Variants in DEPDC5 observed in about 807,000 individuals in gnomAD.
DEPDC5 encodes DEP domain containing 5, GATOR1 subcomplex subunit, also known as GATOR1 complex protein DEPDC5.
In DEPDC5, 73 loss-of-function variants were observed where a neutral mutation model predicts 217.3. The observed-to-expected ratio is 0.34, with a 90% CI of 0.28 to 0.41. DEPDC5 has a LOEUF of 0.41. Among genes scored for constraint, DEPDC5 ranks in the 10% least tolerant of loss-of-function variants. The pLI, the probability that DEPDC5 is intolerant of heterozygous loss-of-function variation, is 1.00. For missense variants in DEPDC5, 1,675 were observed against 2,070.1 expected (o/e 0.81, Z 3.70); for synonymous variants, 733 against 756.7 (o/e 0.97, Z 0.51).
chr22:31,810,424 G>C, intron 19 of DEPDC5, 97 bp from the exon 20 acceptor site: 1 of 1,564,828 alleles, frequency 6.4e-7, no homozygotes, highest in Non-Finnish European at 8.7e-7. Context: ...TGTTTGAAAT[G>C]TATTTGGATG....
At chr22:31,771,752 C>CAG (rs2083384948) in intron 7 of DEPDC5, among the ~76,000 whole-genome samples, 1 of 133,674 alleles carries the variant, frequency 7.5e-6, no homozygotes, top group Non-Finnish European at 1.7e-5. Context: ...CACACACACA[C>CAG]ACACACACAC....
At chr22:31,835,199 T>A (rs1338774796) in intron 25 of DEPDC5, among the ~76,000 whole-genome samples, 1 of 152,204 alleles carries the variant, frequency 6.6e-6, no homozygotes, top group Non-Finnish European at 1.5e-5. Context: ...GGTTAATGTC[T>A]TTGGATTACA....
At chr22:31,771,856 C>T (rs1187964910) in intron 7 of DEPDC5, among the ~76,000 whole-genome samples, 3 of 151,010 alleles carry the variant, frequency 2.0e-5, no homozygotes, top group Non-Finnish European at 2.9e-5. Context: ...TTTGCTTGAG[C>T]CTGGGAGTTC....
At chr22:31,839,659 G>C (rs1392100746) in intron 27 of DEPDC5, among the ~76,000 whole-genome samples, 3 of 148,444 alleles carry the variant, frequency 2.0e-5, no homozygotes, top group African/African-American at 7.3e-5. Flanking sequence ...TATGTGTGAA[G>C]CTTTGGACTC....
At chr22:31,833,449 A>G (rs2148920700) in intron 24 of DEPDC5, among the ~76,000 whole-genome samples, 1 of 152,266 alleles carries the variant, frequency 6.6e-6, no homozygotes, top group Non-Finnish European at 1.5e-5. Flanking sequence ...ATGGCTGATG[A>G]GTGGATTAAA....
In DEPDC5 at chr22:31,868,932, G is replaced by A. The variant is rs901239980; in HGVS notation, c.3331-1658G>A. Among the ~76,000 whole-genome samples the A allele has an allele frequency of 2.6e-5, 4 of 152,204 alleles. No homozygotes were observed. The East Asian group carries it at 7.7e-4, about 29-fold the overall frequency. On this transcript the variant is annotated intron_variant, in intron 33 of 42. Transcript: ENST00000651528. ...TGCTGCTGGGCTTCCGGGTGAACAG[G>A]TTATAATCCTGCCTCCAGGACCCTT...
chr22:31,792,829 T>A lies in DEPDC5; in HGVS notation c.767+12T>A. 6.6e-7 allele frequency: 1 copy of A among 1,512,960 alleles called. No individual in the cohort carries two copies. Among genetic ancestry groups the A allele is most frequent in the Non-Finnish European group, 8.8e-7 (1 of 1,140,702 alleles). 93.7% of individuals were successfully genotyped at this position (1,512,960 alleles called of 1,614,324 possible). On this transcript the variant is annotated intron_variant, in intron 12 of 42. Transcript: ENST00000651528. ...GAAGACTTTTACAAGTATGTTTGGG[T>A]GCTTTGCTATACTTTTTATTTATTT...
At chr22:31,770,915 C>G (rs1315138323) in intron 7 of DEPDC5, among the ~76,000 whole-genome samples, 1 of 151,278 alleles carries the variant, frequency 6.6e-6, no homozygotes, top group African/African-American at 2.4e-5. Flanking sequence ...CCTGGGCCTC[C>G]TGAACTACAG....
At chr22:31,822,812 A>G (rs758897790) in intron 24 of DEPDC5, 22 bp downstream of exon 24, 2 of 1,610,426 alleles carry the variant, frequency 1.2e-6, no homozygotes, top group Non-Finnish European at 1.7e-6. Context: ...AAGAGGTAAT[A>G]GAGTTGGGAT....
rs1568992744 is a variant in DEPDC5, at chr22:31,815,229, A to G, written c.1666+17A>G. ...GCACTCGAGGTAAGAGTGCTGAAGC[A>G]CAGACAGAGCCAGGGACATCTTTCT... is the stretch of plus-strand genomic sequence containing the variant. On this transcript the variant is annotated intron_variant, in intron 21 of 42. Transcript: ENST00000651528. 2 of 1,613,634 alleles carry G rather than the reference A, an allele frequency of 1.2e-6. No individual in the cohort carries two copies. Among genetic ancestry groups the G allele is most frequent in the Non-Finnish European group, 1.7e-6 (2 of 1,179,652 alleles).
intron 4 of DEPDC5, among the ~76,000 whole-genome samples, chr22:31,761,433 A>T (rs966121506): frequency 6.6e-6 from 1 of 151,506 alleles, no homozygotes; most frequent in African/African-American, 2.4e-5. Context: ...GTGGCCTCCA[A>T]CTCCATCCAT....
chr22:31,878,815 G>T (rs2093077956), intron 37 of DEPDC5, among the ~76,000 whole-genome samples: 1 of 151,870 alleles, frequency 6.6e-6, no homozygotes. Flanking sequence ...AAGGCAGGTG[G>T]ATCACCTGAA....
intron 7 of DEPDC5, among the ~76,000 whole-genome samples, chr22:31,777,247 A>G (rs1162775516): frequency 7.2e-6 from 1 of 139,604 alleles, no homozygotes. Context: ...GGCATGAACC[A>G]CTGCACCTGG....
intron 10 of DEPDC5, among the ~76,000 whole-genome samples, chr22:31,791,578 C>T (rs965156174): frequency 6.2e-5 from 9 of 144,102 alleles, no homozygotes; most frequent in South Asian, 2.2e-4. Context: ...TGCAATGAGC[C>T]GAGATTGTGC....
chr22:31,883,713 C>G (rs2093238161), intron 38 of DEPDC5, among the ~76,000 whole-genome samples: 1 of 152,232 alleles, frequency 6.6e-6, no homozygotes. Flanking sequence ...ATTCTCAGGA[C>G]TGCCTGGCCC....
At chr22:31,873,398 G>A in intron 35 of DEPDC5, 66 bp downstream of exon 35, 2 of 1,563,754 alleles carry the variant, frequency 1.3e-6, no homozygotes, top group Non-Finnish European at 1.7e-6. Flanking sequence ...CCATGTTTAG[G>A]CAGCGTGGTT....
In DEPDC5 at chr22:31,804,223, G is replaced by A. The variant is rs773152413; in HGVS notation, c.1143G>A (p.Lys381=). Residue 381 remains lysine, a splice_region_variant and synonymous_variant, in exon 16 of 43, where the codon AAG becomes AAA. Transcript: ENST00000651528. The part of the protein sequence containing the change: ...EQPLHAVPLF[K]LHNRSAPRDS... ...CGTTACATGCTGTCCCATTGTTCAA[G>A]GTAATTAGATTTCGGATTTGTTTAC... is the stretch of plus-strand genomic sequence containing the variant. The A allele has an allele frequency of 1.2e-6, 2 of 1,614,042 alleles. No individual in the cohort carries two copies. The highest frequency in any genetic ancestry group is 1.7e-6 in the Non-Finnish European group (2 of 1,179,984).
rs1304802101 is a variant in DEPDC5 at position 31,768,904 on chromosome 22, G to A, written c.413+41G>A. 3 of 1,609,460 alleles carry A rather than the reference G, an allele frequency of 1.9e-6. No individual in the cohort carries two copies. In the Admixed American group the frequency reaches 5.0e-5, roughly 27 times the overall value. ...CTCTTGCCTTATCTGTGCAGTAACT[G>A]GGCTACATAAAGCAGTGGAGGCGTA... On this transcript the variant is annotated intron_variant, in intron 7 of 42. Transcript: ENST00000651528.
Position 31,879,687 on chromosome 22 carries a change from A to T in DEPDC5, c.3968A>T (p.Tyr1323Phe). Residue 1323 changes from tyrosine (Y) to phenylalanine (F), a missense_variant, in exon 38 of 43, where the codon TAT (tyrosine) becomes TTT (phenylalanine). Around this residue, in one of 11 missense-constraint regions of DEPDC5, gnomAD observed 182 missense variants for 290.1 expected, o/e 0.63. Transcript: ENST00000651528. ...TGGCTGCCTAGCCGGCCAGCCTCCT[A>T]TGCAAGTAGGCACAGCTCCTTTAGC... ...LPWLPSRPAS[Y>F]ASRHSSFSRS... is the part of the protein sequence containing the mutation. The T allele has an allele frequency of 6.2e-7, 1 of 1,614,102 alleles. No individual in the cohort carries two copies.
Sources: gnomAD v4.1 joint callset for allele counts (sites outside exome capture counted in the v4.1 genomes callset) on GRCh38, gnomAD v4.1.1 for gene constraint, gnomAD v4.1.1 regional missense constraint, MANE v1.5 for transcripts, NCBI Gene and HGNC (gene_info 2026-07-23, HGNC 2026-07-21) for gene names.